Variants in MUC17 observed in about 807,000 individuals in gnomAD.
MUC17 encodes mucin-17.
MUC17 carries 190 observed loss-of-function variants against 170.3 expected under a neutral mutation model. The observed-to-expected ratio is 1.12, with a 90% CI of 0.99 to 1.26. The LOEUF (loss-of-function observed/expected upper bound fraction) is 1.26. Among genes scored for constraint, MUC17 ranks in the 50% most tolerant of loss-of-function variants. MUC17 has a pLI of 0.00. For synonymous variants in MUC17, 2,325 were observed against 2,002.5 expected (o/e 1.16, Z -4.30); for missense variants, 6,415 against 5,530.0 (o/e 1.16, Z -5.08).
chr7:101,038,979 T>A lies in MUC17; in HGVS notation c.7563T>A (p.Pro2521=). Residue 2521 remains proline, a synonymous_variant, in exon 3 of 13, where the codon CCT becomes CCA. Transcript: ENST00000306151. ...SEGSTLLTSI[P]VSTTPVASPE... ...GAAGTACTCTATTAACAAGTATACC[T>A]GTCAGCACCACGCCAGTGGCCAGTC... 1 of 1,614,142 alleles carries A rather than the reference T, an allele frequency of 6.2e-7. No individual in the cohort carries two copies. Among genetic ancestry groups the A allele is most frequent in the Non-Finnish European group, 8.5e-7 (1 of 1,180,020 alleles).
intron 1 of MUC17, among the ~76,000 whole-genome samples, chr7:101,027,860 C>T (rs1176369588): frequency 6.6e-6 from 1 of 152,020 alleles, no homozygotes; most frequent in Non-Finnish European, 1.5e-5. Flanking sequence ...CAACCTCCGC[C>T]TTTAGGGCTC....
chr7:101,043,904 C>G, intron 3 of MUC17, 85 bp downstream of exon 3: 1 of 1,295,930 alleles, frequency 7.7e-7, no homozygotes, highest in Non-Finnish European at 1.1e-6. Flanking sequence ...GGTTTGTTAC[C>G]TATGTATACG....
chr7:101,034,396 C>A lies in MUC17; in HGVS notation c.2980C>A (p.Leu994Met), dbSNP rs753903000. 1.2e-6 allele frequency: 2 copies of A among 1,606,854 alleles called. No homozygotes were observed. The highest frequency in any genetic ancestry group is 1.7e-6 in the Non-Finnish European group (2 of 1,176,462). The change falls in exon 3 of 13, where the codon CTG becomes ATG. Residue 994 changes from leucine to methionine, a missense_variant. By Grantham distance (15) the Leu-to-Met change is conservative. Coordinates refer to ENST00000306151, the MANE Select transcript of MUC17 (RefSeq NM_001040105.2). ...PLTSTPVSHT[L>M]VANSEASTLS... Reference sequence around the variant, plus strand: ...AACAAGCACACCTGTCAGCCACACGCTGGTGGCCAATTCTGAGGCTAGCAC... The same window carrying A: ...AACAAGCACACCTGTCAGCCACACGATGGTGGCCAATTCTGAGGCTAGCAC...
rs78263695 is a variant in MUC17 at position 101,034,612 on chromosome 7, C to A, written c.3196C>A (p.Pro1066Thr). 0.024 allele frequency: 38,110 copies of A among 1,611,478 alleles called. 607 individuals are homozygous for A. The highest frequency in any genetic ancestry group is 0.065 in the Middle Eastern group (393 of 6,048). The stretch of plus-strand genomic sequence containing the variant: ...TGAAACGAGCACACTTTCAACAACT[C>A]CTGCTGACACCAGCACACCTGTGAC... ...SSETSTLSTT[P>T]ADTSTPVTTY... Residue 1066 changes from proline to threonine, a missense_variant, in exon 3 of 13, where the codon CCT (proline) becomes ACT (threonine). Pro to Thr is a conservative substitution (Grantham distance 38). Transcript: ENST00000306151.
In MUC17 at chr7:101,039,876, G is replaced by A. The variant is rs140072363; in HGVS notation, c.8460G>A (p.Thr2820=). 144 of 1,612,122 alleles carry A rather than the reference G, an allele frequency of 8.9e-5. 2 individuals are homozygous for A. The East Asian group carries it at 9.4e-4, about 10-fold the overall frequency. The change falls in exon 3 of 13, where the codon ACG becomes ACA. Residue 2820 remains threonine, a synonymous_variant. Transcript: ENST00000306151. ...TAACTAGTATGCCTGTCAACCACAC[G>A]CCAGTGGCCAGTTCTGAGGCTGGCA... ...TPLTSMPVNH[T]PVASSEAGTL... is the part of the protein sequence containing the mutation.
intron 7 of MUC17, 89 bp downstream of exon 7, chr7:101,050,724 T>C: frequency 6.6e-7 from 1 of 1,503,944 alleles, no homozygotes; most frequent in Non-Finnish European, 8.9e-7. Flanking sequence ...GGAGTGAGGA[T>C]GGTTAATGGG....
At position 101,039,161 on chromosome 7, in the gene MUC17, G is replaced by A. The variant is rs756908702; in HGVS notation, c.7745G>A (p.Ser2582Asn). 57 of 1,613,790 alleles carry A rather than the reference G, an allele frequency of 3.5e-5. No homozygotes were observed. Among genetic ancestry groups the A allele is most frequent in the Non-Finnish European group, 4.4e-5 (52 of 1,179,946 alleles). The change falls in exon 3 of 13, where the codon AGC becomes AAC. Residue 2582 changes from serine to asparagine, a missense_variant. Physicochemically the swap from Ser to Asn is conservative, Grantham distance 46 (BLOSUM62 1). Transcript: ENST00000306151. Reference sequence around the variant, plus strand: ...ACTCCATTAAGAAGTATGCCTGTCAGCACCAAGCCGTTGGCCAGTTCTGAG... The same window carrying A: ...ACTCCATTAAGAAGTATGCCTGTCAACACCAAGCCGTTGGCCAGTTCTGAG... ...GSTPLRSMPV[S>N]TKPLASSEAS... is the part of the protein sequence containing the mutation.
chr7:101,042,494 G>C lies in MUC17; in HGVS notation c.11078G>C (p.Ser3693Thr). 6.2e-7 allele frequency: 1 copy of C among 1,613,960 alleles called. No individual in the cohort carries two copies. The highest frequency in any genetic ancestry group is 2.2e-5 in the East Asian group (1 of 44,826). ...TMPIWTPSEGSTPLTTMPVST... is the reference protein window; with the variant it reads ...TMPIWTPSEGTTPLTTMPVST... ...CCAATCTGGACGCCTAGTGAAGGAA[G>C]CACTCCATTAACAACTATGCCTGTC... The change falls in exon 3 of 13, where the codon AGC becomes ACC. Residue 3693 changes from serine (S) to threonine (T), a missense_variant. Transcript: ENST00000306151.
rs755309587 is a variant in MUC17, at chr7:101,038,856, T to G, written c.7440T>G (p.Pro2480=). 62 of 1,612,788 alleles carry G rather than the reference T, an allele frequency of 3.8e-5. No individual in the cohort carries two copies. The highest frequency in any genetic ancestry group is 5.0e-5 in the Non-Finnish European group (59 of 1,179,536). ...SSEAGTLSTT[P]VDTSTPMTTS... ...AGGCTGGCACCCTTTCCACAACTCC[T>G]GTTGACACCAGCACACCTATGACCA... The change falls in exon 3 of 13, where the codon CCT becomes CCG. Residue 2480 remains proline (P), a synonymous_variant. Transcript: ENST00000306151.
At chr7:101,030,181 C>A (rs1359454111) in intron 1 of MUC17, among the ~76,000 whole-genome samples, 2 of 151,310 alleles carry the variant, frequency 1.3e-5, no homozygotes, top group East Asian at 3.9e-4. Context: ...AATCACAAAT[C>A]TAAATCAACC....
Position 101,050,624 on chromosome 7 carries a change from A to C in MUC17, c.12863A>C (p.Asp4288Ala). 1 of 1,613,824 alleles carries C rather than the reference A, an allele frequency of 6.2e-7. No individual in the cohort carries two copies. Residue 4288 changes from aspartate (D) to alanine (A), a missense_variant, in exon 7 of 13, where the codon GAT (aspartate) becomes GCT (alanine). By Grantham distance (126) the Asp-to-Ala change is moderately radical (BLOSUM62 -2). Transcript: ENST00000306151. ...KVTTQQIMINDICSDMMCFNT... is the reference protein window; with the variant it reads ...KVTTQQIMINAICSDMMCFNT... ...ACCACACAGCAAATAATGATTAATG[A>C]TATTTGCTCAGGTGAACTCTGGGCT... is the stretch of plus-strand genomic sequence containing the variant.
intron 9 of MUC17, among the ~76,000 whole-genome samples, chr7:101,052,220 TG>T (rs1794961445): frequency 6.6e-6 from 1 of 152,122 alleles, no homozygotes; most frequent in African/African-American, 2.4e-5. Flanking sequence ...GACAACCTCC[TG>T]GGAAGGTTGT....
intron 12 of MUC17, among the ~76,000 whole-genome samples, chr7:101,057,646 G>A (rs577965385): frequency 6.6e-6 from 1 of 152,280 alleles, no homozygotes; most frequent in African/African-American, 2.4e-5. Context: ...TGGGGAGGTC[G>A]AAGTGGATGG....
intron 11 of MUC17, among the ~76,000 whole-genome samples, chr7:101,054,196 C>T (rs1217903954): frequency 6.6e-6 from 1 of 150,764 alleles, no homozygotes; most frequent in Non-Finnish European, 1.5e-5. Context: ...ACCTTATTTC[C>T]ATTACTGACT....
chr7:101,040,842 C>T lies in MUC17; in HGVS notation c.9426C>T (p.Ala3142=). 2 of 1,613,714 alleles carry T rather than the reference C, an allele frequency of 1.2e-6. No individual in the cohort carries two copies. Among genetic ancestry groups the T allele is most frequent in the South Asian group, 2.2e-5 (2 of 91,050 alleles). ...CACCTGTGACCACTTCTACTGAAGC[C>T]CATTCATCTCCTACAACTTCTGAAG... ...TSTPVTTSTE[A]HSSPTTSEGT... is the part of the protein sequence containing the mutation. Residue 3142 remains alanine (A), a synonymous_variant, in exon 3 of 13, where the codon GCC becomes GCT. Transcript: ENST00000306151.
chr7:101,042,025 C>T lies in MUC17; in HGVS notation c.10609C>T (p.Leu3537Phe), dbSNP rs768166148. 1.2e-6 allele frequency: 2 copies of T among 1,612,918 alleles called. No homozygotes were observed. The highest frequency in any genetic ancestry group is 1.7e-6 in the Non-Finnish European group (2 of 1,179,634). The change falls in exon 3 of 13, where the codon CTT becomes TTT. Residue 3537 changes from leucine to phenylalanine, a missense_variant. Leu to Phe is a conservative substitution (Grantham distance 22). Coordinates refer to ENST00000306151, the MANE Select transcript of MUC17 (RefSeq NM_001040105.2). ...GGTGGCCAGTTCTGAGGCTAGCACC[C>T]TTTCAACAACTCCTGTTGACTCCAA... ...TPVASSEAST[L>F]STTPVDSNTF... is the part of the protein sequence containing the mutation.
rs754806429 is a variant in MUC17, at chr7:101,043,753, GTCCCC to G, written c.12338_12342del (p.Val4113AspfsTer6). 1 of 1,613,962 alleles carries G rather than the reference GTCCCC, an allele frequency of 6.2e-7. No homozygotes were observed. The highest frequency in any genetic ancestry group is 8.5e-7 in the Non-Finnish European group (1 of 1,179,982). The stretch of plus-strand genomic sequence containing the variant: ...CTTCCCCACGGTGACCACCACCGCT[GTCCCC>G]ACGAATACTACAATTAAGAGCAACC... On this transcript the variant is annotated frameshift_variant, in exon 3 of 13. Coordinates refer to ENST00000306151, the MANE Select transcript of MUC17 (RefSeq NM_001040105.2). LOFTEE classifies it high-confidence loss of function.
chr7:101,033,435 G>A lies in MUC17; in HGVS notation c.2019G>A (p.Ala673=), dbSNP rs200337637. The part of the protein sequence containing the change: ...STEATSSSTT[A]EGTSMPTSTY... ...AAGCCACTTCATCTTCTACAACTGC[G>A]GAAGGTACCAGCATGCCAACCTCAA... Residue 673 remains alanine, a synonymous_variant, in exon 3 of 13, where the codon GCG becomes GCA. Transcript: ENST00000306151. 1.7e-4 allele frequency: 259 copies of A among 1,558,494 alleles called. No individual in the cohort carries two copies. Among genetic ancestry groups the A allele is most frequent in the Non-Finnish European group, 2.0e-4 (231 of 1,156,346 alleles).
At chr7:101,057,953 C>T in intron 12 of MUC17, 50 bp from the exon 13 acceptor site, 1 of 1,569,670 alleles carries the variant, frequency 6.4e-7, no homozygotes, top group East Asian at 2.2e-5. Flanking sequence ...TTCCAGAATC[C>T]CAAATTCCTC....
Sources: gnomAD v4.1 joint callset for allele counts (sites outside exome capture counted in the v4.1 genomes callset) on GRCh38, gnomAD v4.1.1 for gene constraint, MANE v1.5 for transcripts, NCBI Gene and HGNC (gene_info 2026-07-23, HGNC 2026-07-21) for gene names.